The following NTN1 variants were observed in gnomAD, a reference collection of about 807,000 sequenced individuals.
NTN1 encodes the protein netrin 1.
A neutral mutation model predicts 54.2 loss-of-function variants in NTN1; 11 were observed. That is an observed-to-expected ratio of 0.20 (90% CI 0.13 to 0.34). The LOEUF is 0.34. NTN1 is among the 10% of genes least tolerant of loss of function. The pLI is 1.00. For missense variants in NTN1, 740 were observed against 893.1 expected (o/e 0.83, Z 2.18); for synonymous variants, 371 against 382.0 (o/e 0.97, Z 0.33).
chr17:9,082,961 C>A (rs8081538), intron 2 of NTN1, among the ~76,000 whole-genome samples: 1 of 152,044 alleles, frequency 6.6e-6, no homozygotes, highest in Non-Finnish European at 1.5e-5. Flanking sequence ...AGGAAGCTAA[C>A]GTAAGCTTCG....
intron 2 of NTN1, among the ~76,000 whole-genome samples, chr17:9,159,249 AAT>A (rs2092351115): frequency 6.6e-6 from 1 of 152,234 alleles, no homozygotes; most frequent in Admixed American, 6.5e-5. Flanking sequence ...ACAAAAAAGA[AAT>A]ATAAATAGAA....
intron 5 of NTN1, among the ~76,000 whole-genome samples, chr17:9,195,982 C>T (rs575292963): frequency 6.6e-6 from 1 of 152,232 alleles, no homozygotes; most frequent in South Asian, 2.1e-4. Context: ...TTTGTTAGTC[C>T]TGGAGCCAGT....
chr17:9,195,192 A>ACCGCCCCCCCC (rs3031881), intron 5 of NTN1, among the ~76,000 whole-genome samples: 14 of 142,484 alleles, frequency 9.8e-5, no homozygotes, highest in Admixed American at 3.6e-4. Flanking sequence ...GGCGAGCTCT[A>ACCGCCCCCCCC]CCACCCCTCC....
chr17:9,164,924 C>T (rs940829660), intron 3 of NTN1, among the ~76,000 whole-genome samples: 1 of 152,160 alleles, frequency 6.6e-6, no homozygotes, highest in African/African-American at 2.4e-5. Flanking sequence ...GGACAAGCCC[C>T]GGGAGAGATG....
At chr17:9,027,573 G>A (rs945154997) in intron 2 of NTN1, among the ~76,000 whole-genome samples, 1 of 152,194 alleles carries the variant, frequency 6.6e-6, no homozygotes, top group East Asian at 1.9e-4. Context: ...CCATGTGTAG[G>A]AGAAAGGCTG....
At chr17:9,107,753 T>C (rs1417298488) in intron 2 of NTN1, among the ~76,000 whole-genome samples, 1 of 152,250 alleles carries the variant, frequency 6.6e-6, no homozygotes, top group Non-Finnish European at 1.5e-5. Context: ...TTAAGTACTG[T>C]TATAGCTGCT....
chr17:9,216,504 C>T (rs1019057070), intron 5 of NTN1, among the ~76,000 whole-genome samples: 1 of 152,076 alleles, frequency 6.6e-6, no homozygotes, highest in African/African-American at 2.4e-5. Flanking sequence ...TTTATGGTCC[C>T]CTATGCCTAA....
At chr17:9,032,337 G>A (rs1210159274) in intron 2 of NTN1, among the ~76,000 whole-genome samples, 4 of 152,202 alleles carry the variant, frequency 2.6e-5, no homozygotes, top group East Asian at 3.8e-4. Flanking sequence ...AGGAATGTCC[G>A]CCCCGACGTT....
intron 2 of NTN1, among the ~76,000 whole-genome samples, chr17:9,077,179 C>T (rs539648143): frequency 1.7e-4 from 26 of 152,008 alleles, no homozygotes; most frequent in African/African-American, 5.8e-4. Context: ...GATGTCCAGC[C>T]CCAATTCTCC....
chr17:9,236,156 T>C (rs1210258594), intron 6 of NTN1, among the ~76,000 whole-genome samples: 1 of 151,214 alleles, frequency 6.6e-6, no homozygotes, highest in Non-Finnish European at 1.5e-5. Context: ...AAAACCTTGA[T>C]AGGGTCTAAG....
chr17:9,028,514 C>T (rs1055636212), intron 2 of NTN1, among the ~76,000 whole-genome samples: 1 of 152,120 alleles, frequency 6.6e-6, no homozygotes, highest in Non-Finnish European at 1.5e-5. Flanking sequence ...CTCTATTAGC[C>T]CTGCCCAGTT....
rs371710482 is a variant in NTN1 at position 9,126,024 on chromosome 17, G to C, written c.1019-36789G>C. Among the ~76,000 whole-genome samples the C allele has an allele frequency of 5.3e-4, 81 of 152,374 alleles. 2 individuals are homozygous for C. In the East Asian group the frequency reaches 0.012, roughly 23 times the overall value. ...TCTAGCTGACAAGGGGCAGGGCCAG[G>C]CATCGTCCCCAGCCAGCCTGATTGC... is the stretch of plus-strand genomic sequence containing the variant. On this transcript the variant is annotated intron_variant, in intron 2 of 6. Coordinates refer to ENST00000173229, the MANE Select transcript of NTN1 (RefSeq NM_004822.3).
intron 5 of NTN1, among the ~76,000 whole-genome samples, chr17:9,198,796 C>G (rs1005738823): frequency 6.6e-6 from 1 of 152,204 alleles, no homozygotes; most frequent in Non-Finnish European, 1.5e-5. Context: ...AGTACTGTAT[C>G]TGACCTTTTG....
At chr17:9,088,884 C>T (rs542949056) in intron 2 of NTN1, among the ~76,000 whole-genome samples, 16 of 152,130 alleles carry the variant, frequency 1.1e-4, no homozygotes, top group Non-Finnish European at 1.9e-4. Flanking sequence ...CCAGCCATCA[C>T]GAAACCCTCG....
intron 2 of NTN1, among the ~76,000 whole-genome samples, chr17:9,110,854 C>T (rs928083484): frequency 5.3e-5 from 8 of 151,850 alleles, no homozygotes; most frequent in Admixed American, 1.3e-4. Flanking sequence ...CTGTCTTACA[C>T]GATCTTCTCC....
the NTN1 span, among the ~76,000 whole-genome samples, chr17:9,015,272 G>A: frequency 6.6e-6 from 1 of 152,140 alleles, no homozygotes; most frequent in Non-Finnish European, 1.5e-5. Flanking sequence ...TTAGATGGGT[G>A]TGGTGGCGGG....
In NTN1 at chr17:9,165,642, A is replaced by C. The variant is rs1257997004; in HGVS notation, c.1207+2641A>C. Among the ~76,000 whole-genome samples the C allele has an allele frequency of 6.6e-6, 1 of 152,164 alleles. No individual in the cohort carries two copies. The highest frequency in any genetic ancestry group is 2.4e-5 in the African/African-American group (1 of 41,432). Reference sequence around the variant, plus strand: ...AATTCTACTGAAGAAATGTGGCAGGAAAGGGTGGGACTCTTAGTGCCTGTT... The same window carrying C: ...AATTCTACTGAAGAAATGTGGCAGGCAAGGGTGGGACTCTTAGTGCCTGTT... On this transcript the variant is annotated intron_variant, in intron 3 of 6. Coordinates refer to ENST00000173229, the MANE Select transcript of NTN1 (RefSeq NM_004822.3). The surrounding 1 kb of genome is among the most constrained non-coding windows in gnomAD (Gnocchi z 4.5).
At chr17:9,198,577 C>A (rs1006017471) in intron 5 of NTN1, among the ~76,000 whole-genome samples, 1 of 152,154 alleles carries the variant, frequency 6.6e-6, no homozygotes, top group African/African-American at 2.4e-5. Flanking sequence ...GTTTTGTCCA[C>A]TCTCCAAGAG....
intron 6 of NTN1, among the ~76,000 whole-genome samples, chr17:9,235,735 CTTCTTTTTTTTT>C (rs146839052): frequency 0.59 from 83,433 of 142,214 alleles, 26,353 homozygotes; most frequent in Non-Finnish European, 0.74. Context: ...CTTCTTCTTT[CTTCTTTTTTTTT>C]TTCTTTTTTT....
Sources: gnomAD v4.1 joint callset for allele counts (sites outside exome capture counted in the v4.1 genomes callset) on GRCh38, gnomAD v4.1.1 for gene constraint, Gnocchi (gnomAD v3.1) non-coding constraint, MANE v1.5 for transcripts, NCBI Gene and HGNC (gene_info 2026-07-23, HGNC 2026-07-21) for gene names.